MACROD2: variants seen among roughly 807,000 people sequenced by gnomAD.
The protein encoded by MACROD2 is ADP-ribose glycohydrolase MACROD2.
Under a neutral mutation model 70.4 loss-of-function variants are expected in MACROD2, and 36 were observed. The ratio of observed to expected loss-of-function variants is 0.51; its 90% CI spans 0.39 to 0.68. The LOEUF is 0.68. Ranked by LOEUF, MACROD2 falls within the 30% of genes least tolerant of loss-of-function variation. The pLI is 0.00. For missense variants in MACROD2, 496 were observed against 538.4 expected, an observed-to-expected ratio of 0.92 and a Z score of 0.78; for synonymous variants, 172 against 178.8, an observed-to-expected ratio of 0.96 and a Z score of 0.30.
At chr20:14,874,238 A>G (rs1357851244) in intron 5 of MACROD2, among the ~76,000 whole-genome samples, 1 of 152,000 alleles carries the variant, frequency 6.6e-6, no homozygotes, top group East Asian at 1.9e-4. Flanking sequence ...GAACCAGTAA[A>G]GAAATATCTG....
intron 5 of MACROD2, among the ~76,000 whole-genome samples, chr20:14,787,119 A>G (rs2072384318): frequency 6.6e-6 from 1 of 152,114 alleles, no homozygotes; most frequent in African/African-American, 2.4e-5. Flanking sequence ...TTGATCTGTC[A>G]TGTACAATAT....
At chr20:15,491,065 T>C (rs143244663) in intron 7 of MACROD2, among the ~76,000 whole-genome samples, 34 of 152,322 alleles carry the variant, frequency 2.2e-4, no homozygotes, top group African/African-American at 6.3e-4. Flanking sequence ...TGCTACTAAG[T>C]AGAGTGACTT....
At chr20:14,740,888 A>G (rs539472076) in intron 5 of MACROD2, among the ~76,000 whole-genome samples, 28 of 152,262 alleles carry the variant, frequency 1.8e-4, no homozygotes, top group African/African-American at 6.3e-4. Flanking sequence ...GTTGGGGATT[A>G]GCATACTGGG....
At chr20:14,625,174 A>G (rs1037760224) in intron 4 of MACROD2, among the ~76,000 whole-genome samples, 1 of 152,034 alleles carries the variant, frequency 6.6e-6, no homozygotes, top group African/African-American at 2.4e-5. Context: ...TAAAAAGACA[A>G]TAATTAGCTA....
chr20:14,460,023 G>A (rs950386057), intron 3 of MACROD2, among the ~76,000 whole-genome samples: 5 of 152,048 alleles, frequency 3.3e-5, no homozygotes, highest in African/African-American at 7.3e-5. Context: ...ATGGTTTCCA[G>A]CTCCATCCAT....
intron 5 of MACROD2, among the ~76,000 whole-genome samples, chr20:14,759,973 G>A (rs1423467392): frequency 6.6e-6 from 1 of 152,054 alleles, no homozygotes; most frequent in Non-Finnish European, 1.5e-5. Context: ...AAGTGAATTG[G>A]TATTCCTGAG....
chr20:15,772,098 AAAAATATATATAT>A (rs1390783930), intron 8 of MACROD2, among the ~76,000 whole-genome samples: 1,201 of 95,910 alleles, frequency 0.013, 27 homozygotes, highest in African/African-American at 0.056. Flanking sequence ...AAAAAAAAAA[AAAAATATATATAT>A]ATATATATAT....
intron 6 of MACROD2, among the ~76,000 whole-genome samples, chr20:15,394,808 G>C (rs2045839781): frequency 6.6e-6 from 1 of 152,148 alleles, no homozygotes; most frequent in South Asian, 2.1e-4. Context: ...AGGCAACATG[G>C]CTTCTTTGTT....
intron 4 of MACROD2, among the ~76,000 whole-genome samples, chr20:14,587,239 T>A (rs1981443568): frequency 6.6e-6 from 1 of 151,922 alleles, no homozygotes; most frequent in Non-Finnish European, 1.5e-5. Flanking sequence ...GAAATATCAT[T>A]AAATATTGCA....
At position 14,804,877 on chromosome 20, in the gene MACROD2, T is replaced by TTG. The variant is rs929473471; in HGVS notation, c.418+119933_418+119934dup. On this transcript the variant is annotated intron_variant, in intron 5 of 17. Transcript: ENST00000684519. Reference sequence around the variant, plus strand: ...TCCAGGTGTGTGTGTGTGTGTGCTTTTGTGTGTGTGTGTGTGAGAGAGAGA... The same window carrying TTG: ...TCCAGGTGTGTGTGTGTGTGTGCTTTTGTGTGTGTGTGTGTGTGAGAGAGAGA... Among the ~76,000 whole-genome samples, 25 of 148,024 alleles carry TTG rather than the reference T, an allele frequency of 1.7e-4. 1 individual carries two copies. The South Asian group carries it at 2.6e-3, about 15-fold the overall frequency.
Position 14,738,644 on chromosome 20 carries a change from T to C in MACROD2, c.418+53685T>C, listed in dbSNP as rs142760593. Among the ~76,000 whole-genome samples the C allele has an allele frequency of 3.0e-4, 45 of 152,190 alleles. 1 individual carries two copies. Among genetic ancestry groups the C allele is most frequent in the Admixed American group, 1.4e-3 (22 of 15,282 alleles). On this transcript the variant is annotated intron_variant, in intron 5 of 17. Coordinates refer to ENST00000684519, the MANE Select transcript of MACROD2 (RefSeq NM_001351661.2). ...ACATGAATAAATGAATTTACCAATTTCTTTGAGTCTGTTATTTCTGCAAAT... is the reference window on the plus strand; with the variant it reads ...ACATGAATAAATGAATTTACCAATTCCTTTGAGTCTGTTATTTCTGCAAAT...
intron 2 of MACROD2, among the ~76,000 whole-genome samples, chr20:14,041,944 C>A (rs1199437871): frequency 2.0e-5 from 3 of 151,974 alleles, no homozygotes; most frequent in African/African-American, 7.3e-5. Context: ...TTTTCACCAG[C>A]CATCAGTACA....
At chr20:14,187,683 A>G (rs1315508654) in intron 3 of MACROD2, among the ~76,000 whole-genome samples, 1 of 152,168 alleles carries the variant, frequency 6.6e-6, no homozygotes. Flanking sequence ...CCTTTTCAAG[A>G]TGAAATCGTT....
In MACROD2 at chr20:16,038,967, AC is replaced by A. The variant is rs367568603; in HGVS notation, c.1154-2231del. 4.4e-3 allele frequency among the ~76,000 whole-genome samples: 676 copies of A among 152,014 alleles called. 7 individuals carry two copies. The highest frequency in any genetic ancestry group is 0.015 in the African/African-American group (639 of 41,498). On this transcript the variant is annotated intron_variant, in intron 15 of 17. Transcript: ENST00000684519. ...AGTTCATGCTTGTCCCCAGGATATA[AC>A]CCTTCAGGGTACCCCACCAAAAACC...
chr20:14,653,294 C>T (rs960389655), intron 4 of MACROD2, among the ~76,000 whole-genome samples: 2 of 150,554 alleles, frequency 1.3e-5, no homozygotes, highest in African/African-American at 2.4e-5. Context: ...TCTTGGCTCA[C>T]TGCAAGCTCC....
intron 5 of MACROD2, among the ~76,000 whole-genome samples, chr20:15,178,284 A>C (rs974508233): frequency 6.6e-6 from 1 of 152,182 alleles, no homozygotes; most frequent in Non-Finnish European, 1.5e-5. Context: ...CTCAGCTGGC[A>C]GGAAAGATGC....
chr20:14,925,467 T>A (rs1011840188), intron 5 of MACROD2, among the ~76,000 whole-genome samples: 3 of 152,182 alleles, frequency 2.0e-5, no homozygotes, highest in Non-Finnish European at 2.9e-5. Flanking sequence ...ATCATCAAAT[T>A]ACCAGATTTT....
intron 8 of MACROD2, among the ~76,000 whole-genome samples, chr20:15,656,712 A>G (rs533128459): frequency 3.9e-5 from 6 of 152,296 alleles, no homozygotes; most frequent in African/African-American, 1.4e-4. Flanking sequence ...TCACCTGGCT[A>G]TAGGCTAAAT....
intron 5 of MACROD2, among the ~76,000 whole-genome samples, chr20:14,938,292 C>T (rs548778314): frequency 6.6e-6 from 1 of 152,036 alleles, no homozygotes; most frequent in Admixed American, 6.5e-5. Flanking sequence ...GTGGCTGTAC[C>T]GATTTACATT....
Sources: allele counts gnomAD v4.1 joint callset (sites outside exome capture counted in the v4.1 genomes callset), GRCh38; gene constraint gnomAD v4.1.1; transcripts MANE v1.5; gene names NCBI Gene and HGNC (gene_info 2026-07-23, HGNC 2026-07-21).